SUMF1: variants seen among roughly 807,000 people sequenced by gnomAD.
SUMF1 encodes formylglycine-generating enzyme.
In SUMF1, 48 loss-of-function variants were observed where a neutral mutation model predicts 47.6. That is an observed-to-expected ratio of 1.01 (90% CI 0.80 to 1.28). The LOEUF (loss-of-function observed/expected upper bound fraction) is 1.28. Among genes scored for constraint, SUMF1 ranks in the 50% most tolerant of loss-of-function variants. SUMF1 has a pLI of 0.00. For missense variants in SUMF1, 571 were observed against 485.4 expected (o/e 1.18, Z -1.66); for synonymous variants, 230 against 192.1 (o/e 1.20, Z -1.63).
intron 8 of SUMF1, among the ~76,000 whole-genome samples, chr3:4,234,709 G>A (rs572676456): frequency 1.3e-5 from 2 of 152,160 alleles, no homozygotes; most frequent in Admixed American, 6.5e-5. Context: ...GGGGAGAAGG[G>A]AATATCTCAG....
chr3:4,457,166 T>A (rs534858843), intron 1 of SUMF1, among the ~76,000 whole-genome samples: 1 of 151,504 alleles, frequency 6.6e-6, no homozygotes, highest in Admixed American at 6.6e-5. Context: ...GGTCTCAATC[T>A]CCTGACCTCA....
chr3:4,455,490 T>A (rs1433119997), intron 1 of SUMF1, among the ~76,000 whole-genome samples: 5 of 152,152 alleles, frequency 3.3e-5, no homozygotes, highest in African/African-American at 4.8e-5. Flanking sequence ...CCGAGGCAGG[T>A]GGATCACCTG....
chr3:4,206,386 T>C (rs1695653311), intron 8 of SUMF1, among the ~76,000 whole-genome samples: 1 of 152,074 alleles, frequency 6.6e-6, no homozygotes, highest in Admixed American at 6.5e-5. Flanking sequence ...TTTAGTACCC[T>C]AGAGCACTTT....
intron 8 of SUMF1, among the ~76,000 whole-genome samples, chr3:4,176,154 C>G (rs1032257153): frequency 1.3e-5 from 2 of 152,144 alleles, no homozygotes; most frequent in East Asian, 3.8e-4. Flanking sequence ...CCTAAGAAGA[C>G]AGGCCAACAT....
intron 8 of SUMF1, among the ~76,000 whole-genome samples, chr3:4,258,916 T>C (rs1428971482): frequency 1.4e-5 from 2 of 140,164 alleles, no homozygotes; most frequent in South Asian, 4.4e-4. Flanking sequence ...ATATACACCA[T>C]GGAATACTAT....
chr3:4,346,217 G>C (rs958567342), intron 8 of SUMF1, among the ~76,000 whole-genome samples: 3 of 152,124 alleles, frequency 2.0e-5, no homozygotes, highest in Non-Finnish European at 2.9e-5. Flanking sequence ...CAAATTAACA[G>C]AATATACATT....
At chr3:4,281,245 G>C (rs1697523538) in intron 8 of SUMF1, among the ~76,000 whole-genome samples, 1 of 152,136 alleles carries the variant, frequency 6.6e-6, no homozygotes, top group African/African-American at 2.4e-5. Flanking sequence ...GCACTGTGAA[G>C]AAGAGATGTA....
At chr3:4,317,142 G>C in intron 8 of SUMF1, 1 of 1,547,642 alleles carries the variant, frequency 6.5e-7, no homozygotes, top group Non-Finnish European at 8.7e-7. Flanking sequence ...TGCTTTCCAA[G>C]AGTTCGTCGA....
At position 4,418,029 on chromosome 3, in the gene SUMF1, G is replaced by T; in HGVS notation, c.706C>A (p.Arg236=). 2 of 1,613,854 alleles carry T rather than the reference G, an allele frequency of 1.2e-6. No individual in the cohort carries two copies. The highest frequency in any genetic ancestry group is 1.7e-6 in the Non-Finnish European group (2 of 1,180,018). ...PTEAEWEYSC[R]GGLHNRLFPW... ...AAATACCTATTATGCAGGCCTCCTC[G>T]ACAGCTGTATTCCCACTCAGCTTCC... The change falls in exon 5 of 9, where the codon CGA becomes AGA. Residue 236 remains arginine, a synonymous_variant. Transcript: ENST00000272902.
At chr3:4,180,672 C>A (rs1258817518) in intron 8 of SUMF1, among the ~76,000 whole-genome samples, 1 of 15,506 alleles carries the variant, frequency 6.4e-5, no homozygotes, top group Non-Finnish European at 1.4e-4. Context: ...TGCACATGTA[C>A]CCTAGAACTT....
chr3:4,099,715 C>T (rs915366245), intron 8 of SUMF1, among the ~76,000 whole-genome samples: 3 of 151,944 alleles, frequency 2.0e-5, no homozygotes, highest in Non-Finnish European at 2.9e-5. Flanking sequence ...ATCCTAAAGA[C>T]TCCACACCCA....
chr3:4,395,607 T>C (rs1334715994), intron 7 of SUMF1, among the ~76,000 whole-genome samples: 2 of 152,192 alleles, frequency 1.3e-5, no homozygotes, highest in Non-Finnish European at 2.9e-5. Context: ...ATTTTCTCTG[T>C]AAAACCAGCA....
chr3:4,437,280 G>A lies in SUMF1; in HGVS notation c.519+11986C>T, dbSNP rs567962946. On this transcript the variant is annotated intron_variant, in intron 3 of 8. Transcript: ENST00000272902. ...CGTAAGTTGGATAACGATGACTAGA[G>A]TAAGGTCATGGGATTATTCAACAGA... Among the ~76,000 whole-genome samples, 28 of 152,266 alleles carry A rather than the reference G, an allele frequency of 1.8e-4. No individual in the cohort carries two copies. In the South Asian group the frequency reaches 5.8e-3, roughly 32 times the overall value.
chr3:4,188,651 A>G (rs1027547234), intron 8 of SUMF1, among the ~76,000 whole-genome samples: 1 of 151,908 alleles, frequency 6.6e-6, no homozygotes, highest in Non-Finnish European at 1.5e-5. Flanking sequence ...GAGACAAACT[A>G]CTCAGGGTCA....
At chr3:4,439,760 C>G (rs1702519207) in intron 3 of SUMF1, among the ~76,000 whole-genome samples, 1 of 151,256 alleles carries the variant, frequency 6.6e-6, no homozygotes, top group Non-Finnish European at 1.5e-5. Flanking sequence ...GATGAGCTTT[C>G]AGTATGTCTC....
intron 8 of SUMF1, among the ~76,000 whole-genome samples, chr3:4,220,240 C>A (rs1696031785): frequency 6.6e-6 from 1 of 152,110 alleles, no homozygotes; most frequent in Non-Finnish European, 1.5e-5. Context: ...GTGTGTGCTG[C>A]ACTTCATACG....
At chr3:4,144,576 T>C (rs1254106506) in intron 8 of SUMF1, among the ~76,000 whole-genome samples, 1 of 152,128 alleles carries the variant, frequency 6.6e-6, no homozygotes. Flanking sequence ...TACAAATGCA[T>C]TTCAATATTA....
At chr3:4,169,773 A>G (rs1355082064) in intron 8 of SUMF1, among the ~76,000 whole-genome samples, 1 of 152,172 alleles carries the variant, frequency 6.6e-6, no homozygotes, top group African/African-American at 2.4e-5. Flanking sequence ...GAGTGAGGCT[A>G]AATGATAAAC....
In SUMF1 at chr3:4,313,862, T is replaced by C. The variant is rs147603253; in HGVS notation, c.1014+62468A>G. 1.8e-3 allele frequency: 2,775 copies of C among 1,554,852 alleles called. 9 individuals are homozygous for C. Among genetic ancestry groups the C allele is most frequent in the Middle Eastern group, 6.9e-3 (40 of 5,770 alleles). ...TAGTTACATAAGTTTAACTCAGGAA[T>C]GTGGCAGAGACTGCAAGTTGTCCAT... On this transcript the variant is annotated intron_variant and NMD_transcript_variant, in intron 8 of 12. Coordinates refer to the SUMF1 transcript ENST00000448413.
Sources: allele counts gnomAD v4.1 joint callset (sites outside exome capture counted in the v4.1 genomes callset), GRCh38; gene constraint gnomAD v4.1.1; transcripts MANE v1.5; gene names NCBI Gene and HGNC (gene_info 2026-07-23, HGNC 2026-07-21).